Variants in LUZP2 observed in about 807,000 individuals in gnomAD.
LUZP2 encodes leucine zipper protein 2.
In LUZP2, 52 loss-of-function variants were observed where a neutral mutation model predicts 51.6. The ratio of observed to expected loss-of-function variants is 1.01; its 90% confidence interval spans 0.81 to 1.27. LUZP2 has a LOEUF of 1.27. Among genes scored for constraint, LUZP2 ranks in the 50% most tolerant of loss-of-function variants. The pLI is 0.00. For synonymous variants in LUZP2, 154 were observed against 137.3 expected, an observed-to-expected ratio of 1.12 and a Z score of -0.85; for missense variants, 436 against 395.4, an observed-to-expected ratio of 1.10 and a Z score of -0.87.
At chr11:24,887,348 A>T (rs2133749181) in intron 5 of LUZP2, among the ~76,000 whole-genome samples, 1 of 152,330 alleles carries the variant, frequency 6.6e-6, no homozygotes, top group Admixed American at 6.5e-5. Flanking sequence ...AGGTCAAGAC[A>T]GAGATGAAAG....
intron 1 of LUZP2, among the ~76,000 whole-genome samples, chr11:24,711,778 C>T (rs901372420): frequency 1.3e-5 from 2 of 152,050 alleles, no homozygotes; most frequent in African/African-American, 2.4e-5. Context: ...ATTTGCAGCC[C>T]TTCTCTGCCC....
chr11:24,564,879 A>T (rs1852165387), intron 1 of LUZP2, among the ~76,000 whole-genome samples: 2 of 152,156 alleles, frequency 1.3e-5, no homozygotes, highest in Admixed American at 1.3e-4. Context: ...TACGAGTTTG[A>T]AAAAGTATAT....
intron 1 of LUZP2, among the ~76,000 whole-genome samples, chr11:24,608,781 G>A (rs985259998): frequency 1.3e-5 from 2 of 152,020 alleles, no homozygotes; most frequent in African/African-American, 4.8e-5. Context: ...TTTTAAAAAA[G>A]TATTTCAGTA....
chr11:24,788,936 A>G (rs1229115518), intron 5 of LUZP2, among the ~76,000 whole-genome samples: 1 of 152,034 alleles, frequency 6.6e-6, no homozygotes, highest in Non-Finnish European at 1.5e-5. Context: ...CGCAAATCTC[A>G]TCAAAAAATG....
intron 7 of LUZP2, among the ~76,000 whole-genome samples, chr11:24,953,393 C>T (rs969284336): frequency 2.6e-5 from 4 of 151,880 alleles, no homozygotes; most frequent in African/African-American, 7.2e-5. Flanking sequence ...GACTTAATCC[C>T]GACATCTACA....
At chr11:24,821,391 A>G (rs946105590) in intron 5 of LUZP2, among the ~76,000 whole-genome samples, 2 of 152,164 alleles carry the variant, frequency 1.3e-5, no homozygotes, top group African/African-American at 4.8e-5. Flanking sequence ...TCTTCAAATC[A>G]GTTAGTCAAT....
intron 3 of LUZP2, among the ~76,000 whole-genome samples, chr11:24,732,735 C>G (rs1450164939): frequency 6.6e-6 from 1 of 151,420 alleles, no homozygotes; most frequent in African/African-American, 2.4e-5. Flanking sequence ...ATTGCTTTTC[C>G]AAGCCAAAAA....
chr11:24,775,839 G>A (rs1848899909), intron 5 of LUZP2, among the ~76,000 whole-genome samples: 1 of 152,014 alleles, frequency 6.6e-6, no homozygotes, highest in African/African-American at 2.4e-5. Flanking sequence ...TATGCCTTTG[G>A]TAAATATTAT....
chr11:24,683,676 G>T (rs1405047806), intron 1 of LUZP2, among the ~76,000 whole-genome samples: 4 of 152,276 alleles, frequency 2.6e-5, no homozygotes, highest in Non-Finnish European at 5.9e-5. Context: ...TAACTAAGGA[G>T]ATTTGGTTTA....
chr11:24,610,577 C>CAG (rs1854085652), intron 1 of LUZP2, among the ~76,000 whole-genome samples: 1 of 152,200 alleles, frequency 6.6e-6, no homozygotes, highest in Non-Finnish European at 1.5e-5. Flanking sequence ...TAACATCTCA[C>CAG]AGAATCCAGT....
intron 10 of LUZP2, among the ~76,000 whole-genome samples, chr11:25,064,860 A>C (rs1565301343): frequency 6.6e-6 from 1 of 151,986 alleles, no homozygotes; most frequent in Non-Finnish European, 1.5e-5. Context: ...TTAATTCTCC[A>C]TTTGTTGACA....
At chr11:25,039,953 C>T (rs1857990574) in intron 9 of LUZP2, among the ~76,000 whole-genome samples, 3 of 152,004 alleles carry the variant, frequency 2.0e-5, no homozygotes, top group East Asian at 1.9e-4. Context: ...CACTTTTTCT[C>T]GTTTTATATG....
intron 10 of LUZP2, among the ~76,000 whole-genome samples, chr11:25,067,495 G>T (rs1859031413): frequency 6.6e-6 from 1 of 151,886 alleles, no homozygotes; most frequent in Non-Finnish European, 1.5e-5. Context: ...TTTTCTTCTA[G>T]GGTTTTTATG....
chr11:25,008,829 GA>G (rs1340967290), intron 9 of LUZP2, among the ~76,000 whole-genome samples: 2 of 152,148 alleles, frequency 1.3e-5, no homozygotes, highest in African/African-American at 2.4e-5. Flanking sequence ...TATGGATTCA[GA>G]AAGGGGAAGT....
At chr11:25,064,742 A>G (rs1170794315) in intron 10 of LUZP2, among the ~76,000 whole-genome samples, 2 of 151,864 alleles carry the variant, frequency 1.3e-5, no homozygotes, top group Non-Finnish European at 2.9e-5. Context: ...TGTTCTTTCC[A>G]TTTTCCCAAT....
intron 1 of LUZP2, among the ~76,000 whole-genome samples, chr11:24,692,096 T>A (rs1590354401): frequency 6.6e-6 from 1 of 152,150 alleles, no homozygotes; most frequent in Admixed American, 6.6e-5. Context: ...TTTACGTTTT[T>A]TTTTTCTATT....
intron 5 of LUZP2, among the ~76,000 whole-genome samples, chr11:24,873,900 A>G (rs1852162776): frequency 1.3e-5 from 2 of 152,190 alleles, no homozygotes; most frequent in African/African-American, 4.8e-5. Context: ...TAAAATAGTA[A>G]CTGTGAAACT....
At chr11:24,551,438 G>T (rs1268039028) in intron 1 of LUZP2, among the ~76,000 whole-genome samples, 1 of 151,996 alleles carries the variant, frequency 6.6e-6, no homozygotes, top group Non-Finnish European at 1.5e-5. Context: ...GGCTTGAGTG[G>T]GGGAAGGAGA....
At chr11:25,059,591 G>A (rs1858776855) in intron 10 of LUZP2, among the ~76,000 whole-genome samples, 1 of 152,270 alleles carries the variant, frequency 6.6e-6, no homozygotes, top group Admixed American at 6.5e-5. Flanking sequence ...AGTTAGATTA[G>A]ATGGGCTGAT....
Sources: gnomAD v4.1 joint callset for allele counts (sites outside exome capture counted in the v4.1 genomes callset) on GRCh38, gnomAD v4.1.1 for gene constraint, MANE v1.5 for transcripts, NCBI Gene and HGNC (gene_info 2026-07-23, HGNC 2026-07-21) for gene names.